Variants in ITFG1 observed in about 807,000 individuals in gnomAD.
ITFG1 encodes the protein T-cell immunomodulatory protein.
Under a neutral mutation model 81.8 loss-of-function variants are expected in ITFG1, and 34 were observed. That is an observed-to-expected ratio of 0.42 (90% confidence interval 0.32 to 0.55). The LOEUF (loss-of-function observed/expected upper bound fraction) is 0.55, where lower values mean the gene tolerates loss of function less well. Among genes scored for constraint, ITFG1 ranks in the 20% least tolerant of loss-of-function variants. The pLI is 0.17. For missense variants in ITFG1, 672 were observed against 755.4 expected, an observed-to-expected ratio of 0.89 and a Z score of 1.29; for synonymous variants, 285 against 270.6, an observed-to-expected ratio of 1.05 and a Z score of -0.52.
At chr16:47,345,544 C>A (rs1011694422) in intron 8 of ITFG1, among the ~76,000 whole-genome samples, 32 of 152,114 alleles carry the variant, frequency 2.1e-4, no homozygotes, top group Admixed American at 1.4e-3. Flanking sequence ...AGAGATCCGC[C>A]CACCTTGGCC....
chr16:47,256,296 C>T (rs1022251481), intron 12 of ITFG1, among the ~76,000 whole-genome samples: 18 of 152,052 alleles, frequency 1.2e-4, no homozygotes, highest in Non-Finnish European at 2.2e-4. Flanking sequence ...TGTTTGGTTC[C>T]CCTGGGAACT....
At chr16:47,458,256 C>T (rs1969478290) in intron 2 of ITFG1, among the ~76,000 whole-genome samples, 1 of 152,178 alleles carries the variant, frequency 6.6e-6, no homozygotes, top group Admixed American at 6.5e-5. Flanking sequence ...TCCTTAACTC[C>T]CCGAAGTGTA....
chr16:47,178,967 C>T (rs1596786807), intron 14 of ITFG1, among the ~76,000 whole-genome samples: 2 of 152,150 alleles, frequency 1.3e-5, no homozygotes. Context: ...CCAACAGACA[C>T]ATGAAAAAAT....
rs1966454059 is a variant in ITFG1 at position 47,281,786 on chromosome 16, T to TA, written c.1071-21092dup. Among the ~76,000 whole-genome samples the TA allele has an allele frequency of 1.3e-5, 2 of 152,114 alleles. 1 individual carries two copies. Among genetic ancestry groups the TA allele is most frequent in the Non-Finnish European group, 2.9e-5 (2 of 67,994 alleles). On this transcript the variant is annotated intron_variant, in intron 10 of 17. Coordinates refer to ENST00000320640, the MANE Select transcript of ITFG1 (RefSeq NM_030790.5). The stretch of plus-strand genomic sequence containing the variant: ...CTCTCTTTTTTTTTGTCAGTCTTGT[T>TA]AGAGGTTTAACGATTTTGTTGATAT...
chr16:47,228,457 G>T (rs1965781658), intron 13 of ITFG1, among the ~76,000 whole-genome samples: 1 of 152,076 alleles, frequency 6.6e-6, no homozygotes, highest in African/African-American at 2.4e-5. Flanking sequence ...CTTGTGCTCA[G>T]GCGATCCTCC....
chr16:47,241,953 C>CA (rs35881563), intron 12 of ITFG1, among the ~76,000 whole-genome samples: 12,608 of 86,898 alleles, frequency 0.15, 697 homozygotes, highest in Middle Eastern at 0.19. Flanking sequence ...GACTCCGTCT[C>CA]AAAAAAAAAA....
chr16:47,321,585 A>T (rs1323372758), intron 8 of ITFG1, among the ~76,000 whole-genome samples: 1 of 152,190 alleles, frequency 6.6e-6, no homozygotes, highest in Non-Finnish European at 1.5e-5. Context: ...GCTACTTGAG[A>T]GGCCAAAGCA....
At chr16:47,181,440 G>A (rs1259779652) in intron 14 of ITFG1, among the ~76,000 whole-genome samples, 55 of 142,118 alleles carry the variant, frequency 3.9e-4, no homozygotes, top group African/African-American at 1.0e-3. Context: ...CGCCCCGTCC[G>A]GGAGGGAGGT....
At chr16:47,242,346 A>G (rs773581021) in intron 12 of ITFG1, among the ~76,000 whole-genome samples, 2 of 151,708 alleles carry the variant, frequency 1.3e-5, no homozygotes, top group African/African-American at 2.4e-5. Flanking sequence ...AAAAAAAAAC[A>G]CTGAGAAAGA....
At chr16:47,412,895 A>C (rs1968829799) in intron 6 of ITFG1, among the ~76,000 whole-genome samples, 1 of 152,148 alleles carries the variant, frequency 6.6e-6, no homozygotes, top group South Asian at 2.1e-4. Flanking sequence ...CCTACCACAC[A>C]TTGCCATTCC....
At chr16:47,428,188 T>G (rs554046792) in intron 6 of ITFG1, among the ~76,000 whole-genome samples, 10 of 152,334 alleles carry the variant, frequency 6.6e-5, no homozygotes, top group African/African-American at 2.4e-4. Context: ...ATCTGGCAGT[T>G]TTAAATAAAA....
At chr16:47,216,910 G>C (rs1194617498) in intron 14 of ITFG1, among the ~76,000 whole-genome samples, 1 of 152,184 alleles carries the variant, frequency 6.6e-6, no homozygotes, top group Non-Finnish European at 1.5e-5. Flanking sequence ...CACCCGCCTT[G>C]GTCTCCCAAA....
At chr16:47,360,988 TA>T (rs1399765192) in intron 8 of ITFG1, among the ~76,000 whole-genome samples, 3 of 152,228 alleles carry the variant, frequency 2.0e-5, no homozygotes, top group African/African-American at 7.2e-5. Flanking sequence ...CATTGAATCA[TA>T]TTTGGGGTTA....
chr16:47,391,345 A>C (rs1486326969), intron 6 of ITFG1, among the ~76,000 whole-genome samples: 3 of 152,208 alleles, frequency 2.0e-5, no homozygotes, highest in African/African-American at 7.2e-5. Context: ...ACAGAATTGA[A>C]GTTCCAAGTA....
chr16:47,429,590 C>T (rs1969067599), intron 5 of ITFG1, among the ~76,000 whole-genome samples: 1 of 152,158 alleles, frequency 6.6e-6, no homozygotes, highest in African/African-American at 2.4e-5. Context: ...CTGTCTTATT[C>T]TTGTCCATTT....
intron 8 of ITFG1, among the ~76,000 whole-genome samples, chr16:47,354,043 G>GA (rs1355602653): frequency 1.3e-5 from 2 of 151,954 alleles, no homozygotes; most frequent in African/African-American, 4.8e-5. Context: ...CAATAGTAGG[G>GA]AAAAAAATCC....
chr16:47,419,759 T>C (rs894937756), intron 6 of ITFG1, among the ~76,000 whole-genome samples: 1 of 151,698 alleles, frequency 6.6e-6, no homozygotes, highest in Non-Finnish European at 1.5e-5. Flanking sequence ...CCCACAGTCA[T>C]GCCCGGCTAA....
intron 14 of ITFG1, among the ~76,000 whole-genome samples, chr16:47,187,280 AC>A (rs1401417280): frequency 3.3e-5 from 5 of 152,138 alleles, no homozygotes; most frequent in Admixed American, 6.6e-5. Context: ...TCATATGGAA[AC>A]AAAAAAGAGC....
intron 6 of ITFG1, among the ~76,000 whole-genome samples, chr16:47,380,325 T>A (rs1433877044): frequency 6.6e-6 from 1 of 152,216 alleles, no homozygotes; most frequent in Non-Finnish European, 1.5e-5. Flanking sequence ...TAACAGCTAG[T>A]CTCCTTTCCT....
Sources: gnomAD v4.1 joint callset for allele counts (sites outside exome capture counted in the v4.1 genomes callset) on GRCh38, gnomAD v4.1.1 for gene constraint, MANE v1.5 for transcripts, NCBI Gene and HGNC (gene_info 2026-07-23, HGNC 2026-07-21) for gene names.